ENOPH1: variants seen among roughly 807,000 people sequenced by gnomAD.
ENOPH1 encodes the protein enolase-phosphatase E1.
A neutral mutation model predicts 31.1 loss-of-function variants in ENOPH1; 14 were observed. That is an observed-to-expected ratio of 0.45 (90% confidence interval 0.30 to 0.70). The LOEUF is 0.70. Among genes scored for constraint, ENOPH1 ranks in the 30% least tolerant of loss-of-function variants. The pLI is 0.09. For synonymous variants in ENOPH1, 127 were observed against 123.2 expected (o/e 1.03, Z -0.21); for missense variants, 243 against 321.5 (o/e 0.76, Z 1.87).
intron 1 of ENOPH1, among the ~76,000 whole-genome samples, chr4:82,439,334 G>A (rs527473253): frequency 6.6e-6 from 1 of 152,330 alleles, no homozygotes; most frequent in South Asian, 2.1e-4. Flanking sequence ...ACTAAGGCAT[G>A]CGGTTTGGAA....
intron 5 of ENOPH1, among the ~76,000 whole-genome samples, chr4:82,458,051 A>G (rs1722535060): frequency 7.1e-6 from 1 of 140,408 alleles, no homozygotes; most frequent in African/African-American, 2.7e-5. Context: ...CCTGCCCTTC[A>G]TCTTCTGCTG....
intron 3 of ENOPH1, among the ~76,000 whole-genome samples, chr4:82,454,151 T>C (rs1158361609): frequency 6.6e-6 from 1 of 151,758 alleles, no homozygotes; most frequent in Non-Finnish European, 1.5e-5. Context: ...GAGGTAGAGG[T>C]TGCAGTGAGC....
intron 1 of ENOPH1, among the ~76,000 whole-genome samples, chr4:82,432,974 T>G (rs1213401082): frequency 1.3e-5 from 2 of 150,340 alleles, no homozygotes; most frequent in African/African-American, 5.0e-5. Context: ...TACTGATGAT[T>G]GATTAATTTC....
intron 1 of ENOPH1, among the ~76,000 whole-genome samples, chr4:82,432,003 C>T (rs1176260125): frequency 6.6e-6 from 1 of 151,550 alleles, no homozygotes; most frequent in Admixed American, 6.6e-5. Context: ...GCAGCCTCTA[C>T]CTCCTTGGGC....
At chr4:82,453,194 A>T (rs1179296083) in intron 3 of ENOPH1, among the ~76,000 whole-genome samples, 1 of 152,136 alleles carries the variant, frequency 6.6e-6, no homozygotes, top group Non-Finnish European at 1.5e-5. Flanking sequence ...GAGCCACTGC[A>T]CCTGGGTGTG....
Position 82,460,158 on chromosome 4 carries a change from G to A in ENOPH1, c.*38G>A. ...AAGGCAGACCGCCCTGTTCCCCAGA[G>A]TTGTCCCTGTAGTGTCTAGGTTTAT... On this transcript the variant is annotated 3_prime_UTR_variant, in exon 6 of 6. Coordinates refer to ENST00000273920, the MANE Select transcript of ENOPH1 (RefSeq NM_021204.5). The A allele has an allele frequency of 1.9e-6, 3 of 1,611,788 alleles. No individual in the cohort carries two copies. Among genetic ancestry groups the A allele is most frequent in the Non-Finnish European group, 2.5e-6 (3 of 1,178,268 alleles).
chr4:82,460,561 TAGA>T lies in ENOPH1; in HGVS notation c.*445_*447del, dbSNP rs1722620929. The T allele has an allele frequency of 6.5e-6, 1 of 153,454 alleles. No homozygotes were observed. The highest frequency in any genetic ancestry group is 1.5e-5 in the Non-Finnish European group (1 of 68,916). The allele number at this position is 153,454 out of a possible 1,614,324, so 9.5% of individuals were successfully genotyped here. On this transcript the variant is annotated 3_prime_UTR_variant, in exon 6 of 6. Transcript: ENST00000273920. ...TGAATAATTCATTGCCCTTGTGATTTAGAAGATTATAACAGCTGTATTTCATAT... is the reference window on the plus strand; with the variant it reads ...TGAATAATTCATTGCCCTTGTGATTTAGATTATAACAGCTGTATTTCATAT...
At chr4:82,432,945 C>T (rs542275494) in intron 1 of ENOPH1, among the ~76,000 whole-genome samples, 6 of 152,336 alleles carry the variant, frequency 3.9e-5, no homozygotes, top group Admixed American at 2.0e-4. Flanking sequence ...GAGACCTCTG[C>T]GGAAAATTTC....
At chr4:82,441,413 G>T (rs1355279393) in intron 1 of ENOPH1, among the ~76,000 whole-genome samples, 1 of 152,128 alleles carries the variant, frequency 6.6e-6, no homozygotes, top group Admixed American at 6.5e-5. Flanking sequence ...ACGAGGTCAG[G>T]AGATCGAGAC....
intron 1 of ENOPH1, among the ~76,000 whole-genome samples, chr4:82,431,601 A>G (rs1012445821): frequency 2.0e-5 from 3 of 152,216 alleles, no homozygotes; most frequent in African/African-American, 7.2e-5. Context: ...GTGAACCAGC[A>G]CTTGTCTGCA....
At chr4:82,435,594 T>G (rs1434174751) in intron 1 of ENOPH1, among the ~76,000 whole-genome samples, 5 of 152,238 alleles carry the variant, frequency 3.3e-5, no homozygotes, top group Non-Finnish European at 7.3e-5. Context: ...CTATATTAAA[T>G]TATGGTCTTT....
chr4:82,459,779 T>C (rs867737462), intron 5 of ENOPH1, among the ~76,000 whole-genome samples: 1 of 152,176 alleles, frequency 6.6e-6, no homozygotes, highest in African/African-American at 2.4e-5. Context: ...TTTTAAAATT[T>C]TATCATGGAA....
At position 82,460,911 on chromosome 4, in the gene ENOPH1, T is replaced by A. The variant is rs1219197195; in HGVS notation, c.*791T>A. 3 of 152,234 alleles carry A rather than the reference T, an allele frequency of 2.0e-5. No individual in the cohort carries two copies. The highest frequency in any genetic ancestry group is 7.2e-5 in the African/African-American group (3 of 41,464). The allele number at this position is 152,234 out of a possible 1,614,324, so 9.4% of individuals were successfully genotyped here. ...AATACGTTAATTGCTATTTACTATT[T>A]AAAAAGTTTTACTGAAATCAGTCCA... On this transcript the variant is annotated 3_prime_UTR_variant, in exon 6 of 6. Transcript: ENST00000273920.
chr4:82,456,948 C>A lies in ENOPH1; in HGVS notation c.556C>A (p.His186Asn), dbSNP rs760512414. ...VDGHFDTKIG[H>N]KVESESYRKI... Reference sequence around the variant, plus strand: ...TGGTCACTTTGATACCAAGATTGGACACAAAGTAGAGAGTGAAAGTTACCG... The same window carrying A: ...TGGTCACTTTGATACCAAGATTGGAAACAAAGTAGAGAGTGAAAGTTACCG... The change falls in exon 5 of 6, where the codon CAC becomes AAC. Residue 186 changes from histidine (H) to asparagine (N), a missense_variant. His to Asn is a moderately conservative substitution (Grantham distance 68). Coordinates refer to ENST00000273920, the MANE Select transcript of ENOPH1 (RefSeq NM_021204.5). The A allele has an allele frequency of 3.1e-6, 5 of 1,613,906 alleles. No homozygotes were observed. The highest frequency in any genetic ancestry group is 4.2e-6 in the Non-Finnish European group (5 of 1,179,988).
At chr4:82,448,492 T>C (rs1722257250) in intron 2 of ENOPH1, among the ~76,000 whole-genome samples, 1 of 151,666 alleles carries the variant, frequency 6.6e-6, no homozygotes, top group Non-Finnish European at 1.5e-5. Flanking sequence ...GAACTCCTGA[T>C]TTCAAGTGAT....
At chr4:82,439,243 T>C (rs1476264188) in intron 1 of ENOPH1, among the ~76,000 whole-genome samples, 1 of 152,236 alleles carries the variant, frequency 6.6e-6, no homozygotes, top group South Asian at 2.1e-4. Context: ...TTCCAGTGAT[T>C]CATGATGTGA....
chr4:82,459,916 G>A (rs534230780), intron 5 of ENOPH1, 65 bp from the exon 6 acceptor site: 1 of 1,580,776 alleles, frequency 6.3e-7, no homozygotes, highest in African/African-American at 1.3e-5. Context: ...TGCTGACTTT[G>A]CTGCAAATCT....
rs766129917 is a variant in ENOPH1 at position 82,451,054 on chromosome 4, C to T, written c.198C>T (p.Asp66=). 2.9e-5 allele frequency: 46 copies of T among 1,613,640 alleles called. No homozygotes were observed. The highest frequency in any genetic ancestry group is 2.0e-4 in the South Asian group (18 of 91,058). Residue 66 remains aspartate (D), a synonymous_variant, in exon 3 of 6, where the codon GAC becomes GAT. Coordinates refer to ENST00000273920, the MANE Select transcript of ENOPH1 (RefSeq NM_021204.5). ...VSLLRKQAEE[D]AHLDGAVPIP... ...TTTCTGACTTAAAGGCTGAAGAGGA[C>T]GCCCACCTGGATGGGGCTGTTCCTA...
intron 2 of ENOPH1, among the ~76,000 whole-genome samples, chr4:82,450,666 TTTTC>T (rs1235967547): frequency 6.6e-6 from 1 of 152,186 alleles, no homozygotes; most frequent in African/African-American, 2.4e-5. Context: ...ATTTATGAGA[TTTTC>T]TTTGTTTCTT....
Sources: allele counts gnomAD v4.1 joint callset (sites outside exome capture counted in the v4.1 genomes callset), GRCh38; gene constraint gnomAD v4.1.1; transcripts MANE v1.5; gene names NCBI Gene and HGNC (gene_info 2026-07-23, HGNC 2026-07-21).